The following ABCA12 variants were observed in gnomAD, a reference collection of about 807,000 sequenced individuals.
The protein encoded by ABCA12 is ATP binding cassette subfamily A member 12.
ABCA12 carries 156 observed loss-of-function variants against 293.5 expected under a neutral mutation model. The observed-to-expected ratio is 0.53, with a 90% CI of 0.47 to 0.61. The LOEUF (loss-of-function observed/expected upper bound fraction) is 0.61, where lower values mean the gene tolerates loss of function less well. Among genes scored for constraint, ABCA12 ranks in the 20% least tolerant of loss-of-function variants. The pLI, the probability that ABCA12 is intolerant of heterozygous loss-of-function variation, is 0.00. For missense variants in ABCA12, 2,797 were observed against 3,090.2 expected (o/e 0.91, Z 2.25); for synonymous variants, 1,063 against 1,108.0 (o/e 0.96, Z 0.81).
intron 21 of ABCA12, 64 bp from the exon 22 acceptor site, chr2:215,001,084 G>C: frequency 1.3e-6 from 2 of 1,527,882 alleles, no homozygotes; most frequent in Non-Finnish European, 1.8e-6. Flanking sequence ...TCATTGTTTG[G>C]AGAGTACACA....
At position 215,092,428 on chromosome 2, in the gene ABCA12, C is replaced by A. The variant is rs112431077; in HGVS notation, c.163+19169G>T. ...ATCTAATTGCCACCCTTCTCCCCAACCCAAAGCCTCCTTCGTGTCTTCCTC... is the reference window on the plus strand; with the variant it reads ...ATCTAATTGCCACCCTTCTCCCCAAACCAAAGCCTCCTTCGTGTCTTCCTC... On this transcript the variant is annotated intron_variant, in intron 2 of 52. Transcript: ENST00000272895. 4.5e-3 allele frequency among the ~76,000 whole-genome samples: 691 copies of A among 152,208 alleles called. 4 individuals carry two copies. Among genetic ancestry groups the A allele is most frequent in the African/African-American group, 0.016 (651 of 41,508 alleles).
rs148982333 is a variant in ABCA12, at chr2:215,099,466, G to A, written c.163+12131C>T. On this transcript the variant is annotated intron_variant, in intron 2 of 52. Transcript: ENST00000272895. Reference sequence around the variant, plus strand: ...TCCCAGCATTTTAGGAAGCCAAGGCGGGCAGATCACAAGGTCAAGAGATCG... The same window carrying A: ...TCCCAGCATTTTAGGAAGCCAAGGCAGGCAGATCACAAGGTCAAGAGATCG... Among the ~76,000 whole-genome samples the A allele has an allele frequency of 3.0e-3, 452 of 152,234 alleles. 5 individuals carry two copies. Among genetic ancestry groups the A allele is most frequent in the Middle Eastern group, 0.02 (6 of 294 alleles).
At position 214,980,584 on chromosome 2, in the gene ABCA12, T is replaced by C; in HGVS notation, c.4639A>G (p.Ile1547Val). The C allele has an allele frequency of 6.2e-7, 1 of 1,614,050 alleles. No homozygotes were observed. Among genetic ancestry groups the C allele is most frequent in the Non-Finnish European group, 8.5e-7 (1 of 1,179,974 alleles). Reference protein sequence around the residue: ...LDEAEVLSDRIAFLEQGGLRC... With the variant: ...LDEAEVLSDRVAFLEQGGLRC... ...AGCCCACCCTGCTCCAGGAAGGCGA[T>C]GCGGTCACTCAGCACTTCAGCCTCG... The change falls in exon 31 of 53, where the codon ATC becomes GTC. Residue 1547 changes from isoleucine to valine, a missense_variant. Physicochemically the swap from Ile to Val is conservative, Grantham distance 29 (BLOSUM62 3). Transcript: ENST00000272895.
intron 1 of ABCA12, among the ~76,000 whole-genome samples, chr2:215,124,999 C>A (rs1285538153): frequency 6.6e-6 from 1 of 152,108 alleles, no homozygotes; most frequent in Non-Finnish European, 1.5e-5. Flanking sequence ...AGATGAGGCT[C>A]CAGTTTCATC....
intron 29 of ABCA12, among the ~76,000 whole-genome samples, chr2:214,982,642 A>C (rs1699693882): frequency 6.6e-6 from 1 of 152,220 alleles, no homozygotes; most frequent in Non-Finnish European, 1.5e-5. Context: ...TCAGAAAAAA[A>C]CACAAAGGAA....
intron 2 of ABCA12, 24 bp from the exon 3 acceptor site, chr2:215,064,243 A>C: frequency 6.2e-7 from 1 of 1,610,536 alleles, no homozygotes; most frequent in Non-Finnish European, 8.5e-7. Context: ...AACAGTCATT[A>C]CATCAGTATG....
intron 2 of ABCA12, among the ~76,000 whole-genome samples, chr2:215,090,169 C>T (rs1204311971): frequency 6.6e-6 from 1 of 152,204 alleles, no homozygotes; most frequent in Non-Finnish European, 1.5e-5. Flanking sequence ...CTACCCAAAT[C>T]CTATAAAACT....
chr2:214,982,225 C>T lies in ABCA12; in HGVS notation c.4541G>A (p.Arg1514His), dbSNP rs28940270. Residue 1514 changes from arginine to histidine, a missense_variant, in exon 30 of 53, where the codon CGC (arginine) becomes CAC (histidine). By Grantham distance (29) the Arg-to-His change is conservative. Coordinates refer to ENST00000272895, the MANE Select transcript of ABCA12 (RefSeq NM_173076.3). ...EPSTGVDPCS[R>H]RSIWDVISKN... ...GGATATAACATCCCATATACTTCGGCGAGAACATGGGTCAACTCCAGTAGA... is the reference window on the plus strand; with the variant it reads ...GGATATAACATCCCATATACTTCGGTGAGAACATGGGTCAACTCCAGTAGA... The T allele has an allele frequency of 3.1e-6, 5 of 1,613,806 alleles. No homozygotes were observed. Among genetic ancestry groups the T allele is most frequent in the African/African-American group, 2.7e-5 (2 of 74,842 alleles).
chr2:215,032,047 T>C (rs1298757426), intron 8 of ABCA12, 151 bp from the exon 9 acceptor site: 3 of 1,504,356 alleles, frequency 2.0e-6, no homozygotes, highest in Non-Finnish European at 2.7e-6. Flanking sequence ...AAGACATCTA[T>C]GCTCTTTTGT....
intron 11 of ABCA12, among the ~76,000 whole-genome samples, chr2:215,023,879 C>A (rs1463569280): frequency 6.6e-6 from 1 of 152,178 alleles, no homozygotes; most frequent in Non-Finnish European, 1.5e-5. Context: ...TTCTAAAATG[C>A]AAATTTCACC....
At chr2:214,984,015 TAAGA>T (rs1257914313) in intron 28 of ABCA12, 150 bp from the exon 29 acceptor site, 1 of 609,412 alleles carries the variant, frequency 1.6e-6, no homozygotes, top group African/African-American at 1.9e-5. Flanking sequence ...TTAATGGGAA[TAAGA>T]AATATTACTT....
chr2:214,984,895 T>A lies in ABCA12; in HGVS notation c.4164-1030A>T, dbSNP rs537422566. The stretch of plus-strand genomic sequence containing the variant: ...CTAGTCCTTTTCTCTATACTGTGAT[T>A]AGAATATTCTCACCTGGATAATTCC... On this transcript the variant is annotated intron_variant, in intron 28 of 52. Transcript: ENST00000272895. Among the ~76,000 whole-genome samples, 537 of 152,272 alleles carry A rather than the reference T, an allele frequency of 3.5e-3. 2 individuals are homozygous for A. The highest frequency in any genetic ancestry group is 0.013 in the African/African-American group (520 of 41,562).
At chr2:214,978,615 G>A in intron 32 of ABCA12, 149 bp from the exon 33 acceptor site, 1 of 1,126,896 alleles carries the variant, frequency 8.9e-7, no homozygotes, top group Non-Finnish European at 1.3e-6. Context: ...GTATGTAAAA[G>A]ATACGTGCTG....
At chr2:214,976,323 A>T (rs994890582) in intron 33 of ABCA12, among the ~76,000 whole-genome samples, 1 of 152,222 alleles carries the variant, frequency 6.6e-6, no homozygotes, top group Non-Finnish European at 1.5e-5. Flanking sequence ...GTAATTTTAC[A>T]TGTCAAAGTT....
At chr2:214,950,740 A>G (rs1574934545) in intron 45 of ABCA12, 139 bp downstream of exon 45, 4 of 866,382 alleles carry the variant, frequency 4.6e-6, no homozygotes, top group Non-Finnish European at 7.4e-6. Context: ...CTTGACCTCA[A>G]GTGATCCACC....
chr2:214,943,239 G>T (rs1434473387), intron 49 of ABCA12, among the ~76,000 whole-genome samples: 1 of 152,130 alleles, frequency 6.6e-6, no homozygotes, highest in African/African-American at 2.4e-5. Flanking sequence ...CTTTGCTCTA[G>T]TAATCCTCCT....
intron 2 of ABCA12, chr2:215,085,634 C>T (rs1430307371): frequency 6.6e-6 from 1 of 152,206 alleles, no homozygotes; most frequent in Non-Finnish European, 1.5e-5. Context: ...AATTCTGCCT[C>T]CTCCATTTTA....
intron 33 of ABCA12, among the ~76,000 whole-genome samples, chr2:214,977,229 T>C (rs549509073): frequency 4.6e-5 from 7 of 152,312 alleles, no homozygotes; most frequent in African/African-American, 1.4e-4. Flanking sequence ...ATAATGTCAA[T>C]GAAGGGAACA....
At chr2:214,974,926 C>A in intron 34 of ABCA12, 62 bp from the exon 35 acceptor site, 1 of 1,416,426 alleles carries the variant, frequency 7.1e-7, no homozygotes, top group South Asian at 1.2e-5. Flanking sequence ...ATATTAAAAT[C>A]ATGCTTGAAG....
Sources: gnomAD v4.1 joint callset for allele counts (sites outside exome capture counted in the v4.1 genomes callset) on GRCh38, gnomAD v4.1.1 for gene constraint, MANE v1.5 for transcripts, NCBI Gene and HGNC (gene_info 2026-07-23, HGNC 2026-07-21) for gene names.